The following ZNF225 variants were observed in gnomAD, a reference collection of about 807,000 sequenced individuals.
ZNF225 encodes the protein zinc finger protein 225.
Under a neutral mutation model 12.0 loss-of-function variants are expected in ZNF225, and 6 were observed. The ratio of observed to expected loss-of-function variants is 0.50; its 90% CI spans 0.27 to 0.98. The LOEUF (loss-of-function observed/expected upper bound fraction) is 0.98. Among genes scored for constraint, ZNF225 ranks in the 50% least tolerant of loss-of-function variants. The pLI is 0.11. For synonymous variants in ZNF225, 271 were observed against 283.2 expected (o/e 0.96, Z 0.43); for missense variants, 763 against 848.2 (o/e 0.90, Z 1.25).
chr19:44,129,059 C>T, intron 4 of ZNF225: 1 of 1,231,532 alleles, frequency 8.1e-7, no homozygotes, highest in Non-Finnish European at 1.0e-6. Flanking sequence ...CTTTCAGATT[C>T]CCATCAAAAC....
At chr19:44,114,122 C>CAGAGTGTTTCACAGCCTTCTCCTTACCCA in intron 1 of ZNF225, 2 of 667,128 alleles carry the variant, frequency 3.0e-6, no homozygotes, top group South Asian at 4.3e-5. Context: ...CGACCACGGT[C>CAGAGTGTTTCACAGCCTTCTCCTTACCCA]AGAGTGTTTC....
intron 4 of ZNF225, among the ~76,000 whole-genome samples, chr19:44,122,845 C>A (rs1968081257): frequency 6.6e-6 from 1 of 152,072 alleles, no homozygotes; most frequent in Admixed American, 6.6e-5. Flanking sequence ...GTACATTAAT[C>A]TTGTATCCAG....
intron 4 of ZNF225, chr19:44,129,317 A>C: frequency 2.7e-6 from 1 of 374,552 alleles, no homozygotes; most frequent in Non-Finnish European, 4.7e-6. Context: ...GTTTCCCCAA[A>C]TTATTTTCAT....
At chr19:44,114,457 T>A (rs1156273103) in intron 1 of ZNF225, among the ~76,000 whole-genome samples, 1 of 152,240 alleles carries the variant, frequency 6.6e-6, no homozygotes, top group African/African-American at 2.4e-5. Flanking sequence ...ATTTCACGTT[T>A]AACTTCAAAA....
chr19:44,117,450 G>T (rs926482796), intron 2 of ZNF225, among the ~76,000 whole-genome samples: 5 of 152,180 alleles, frequency 3.3e-5, no homozygotes, highest in Admixed American at 2.6e-4. Context: ...AAAGAAAAAT[G>T]ATAACATTCA....
At position 44,134,479 on chromosome 19, in the gene ZNF225, C is replaced by G. The variant is rs893379139; in HGVS notation, c.*1744C>G. 2.6e-5 allele frequency: 4 copies of G among 152,184 alleles called. No individual in the cohort carries two copies. In the East Asian group the frequency reaches 7.7e-4, roughly 29 times the overall value. The allele number at this position is 152,184 out of a possible 1,614,324, so 9.4% of individuals were successfully genotyped here. Reference sequence around the variant, plus strand: ...CAGTCCTTTCTAAGATTTGCAGTCTCAGGCCTGTTATATTAACTTTTTGTG... The same window carrying G: ...CAGTCCTTTCTAAGATTTGCAGTCTGAGGCCTGTTATATTAACTTTTTGTG... On this transcript the variant is annotated 3_prime_UTR_variant, in exon 5 of 5. Coordinates refer to ENST00000262894, the MANE Select transcript of ZNF225 (RefSeq NM_013362.4).
At chr19:44,127,640 CTTTAT>C (rs1488343254) in intron 4 of ZNF225, among the ~76,000 whole-genome samples, 1 of 151,908 alleles carries the variant, frequency 6.6e-6, no homozygotes, top group Non-Finnish European at 1.5e-5. Flanking sequence ...ATTTTTCTTT[CTTTAT>C]TTTATTTTAT....
At chr19:44,126,473 T>C (rs2147567737) in intron 4 of ZNF225, among the ~76,000 whole-genome samples, 1 of 152,264 alleles carries the variant, frequency 6.6e-6, no homozygotes, top group African/African-American at 2.4e-5. Flanking sequence ...CCGTGAGGTT[T>C]CTTAGCTTTG....
intron 1 of ZNF225, chr19:44,114,229 CT>C (rs747108252): frequency 5.2e-5 from 51 of 987,514 alleles, no homozygotes; most frequent in Non-Finnish European, 7.5e-5. Context: ...TGATCCTTGG[CT>C]TTTTTCTTTG....
chr19:44,130,593 G>C (rs979804776), intron 4 of ZNF225: 2 of 315,500 alleles, frequency 6.3e-6, no homozygotes, highest in African/African-American at 4.4e-5. Context: ...AGCTACTGAG[G>C]AGGCTGAGGC....
At chr19:44,121,720 T>C (rs1415948435) in intron 4 of ZNF225, among the ~76,000 whole-genome samples, 1 of 152,236 alleles carries the variant, frequency 6.6e-6, no homozygotes, top group African/African-American at 2.4e-5. Context: ...GCATTGTGGT[T>C]TTGATTTGCA....
intron 4 of ZNF225, among the ~76,000 whole-genome samples, chr19:44,126,890 G>T (rs1968158601): frequency 6.6e-6 from 1 of 152,180 alleles, no homozygotes; most frequent in Admixed American, 6.5e-5. Flanking sequence ...CTCCCACCAT[G>T]CCCCCACTAA....
At chr19:44,124,088 C>T (rs992131899) in intron 4 of ZNF225, among the ~76,000 whole-genome samples, 1 of 151,680 alleles carries the variant, frequency 6.6e-6, no homozygotes, top group Admixed American at 6.6e-5. Flanking sequence ...TCTCTAGTTC[C>T]TTGAGGTGTG....
intron 1 of ZNF225, chr19:44,114,251 T>C (rs1443939028): frequency 1.2e-6 from 1 of 858,422 alleles, no homozygotes; most frequent in South Asian, 1.4e-5. Flanking sequence ...ACAGAGATGC[T>C]CACCCCAACC....
chr19:44,113,483 C>T lies in ZNF225; in HGVS notation c.-155C>T, dbSNP rs1967873253. ...GTAGTTTGGGTCAGTTCCGCGAGAC[C>T]CTTCTGAATTTCCTGGACCTACGCA... is the stretch of plus-strand genomic sequence containing the variant. On this transcript the variant is annotated 5_prime_UTR_variant, in exon 1 of 5. Transcript: ENST00000262894. 6.6e-6 allele frequency: 1 copy of T among 152,184 alleles called. No individual in the cohort carries two copies. The highest frequency in any genetic ancestry group is 2.1e-4 in the South Asian group (1 of 4,822). The allele number at this position is 152,184 out of a possible 1,614,324, so 9.4% of individuals were successfully genotyped here. A position where few individuals can be genotyped will look rare whatever the true frequency, so the allele number is the denominator to read the frequency against.
intron 2 of ZNF225, among the ~76,000 whole-genome samples, chr19:44,116,282 C>T (rs550996444): frequency 2.6e-5 from 4 of 152,310 alleles, no homozygotes; most frequent in Non-Finnish European, 5.9e-5. Context: ...TGAACACCTC[C>T]AATAATCCTT....
rs946516410 is a variant in ZNF225, at chr19:44,132,328, G to C, written c.1714G>C (p.Glu572Gln). 2.5e-6 allele frequency: 4 copies of C among 1,613,936 alleles called. No individual in the cohort carries two copies. The African/African-American group carries it at 5.3e-5, about 22-fold the overall frequency. Reference sequence around the variant, plus strand: ...CGGAGAGAGACCTTATAATTGTAAAGAATGTGGGAAGAGCTTTAGCCGGGC... The same window carrying C: ...CGGAGAGAGACCTTATAATTGTAAACAATGTGGGAAGAGCTTTAGCCGGGC... ...HTGERPYNCK[E>Q]CGKSFSRASS... is the part of the protein sequence containing the mutation. The change falls in exon 5 of 5, where the codon GAA becomes CAA. Residue 572 changes from glutamate to glutamine, a missense_variant. Coordinates refer to ENST00000262894, the MANE Select transcript of ZNF225 (RefSeq NM_013362.4).
intron 1 of ZNF225, 197 bp from the exon 2 acceptor site, chr19:44,115,563 C>A (rs1326771517): frequency 2.7e-6 from 1 of 367,640 alleles, no homozygotes; most frequent in South Asian, 8.2e-5. Flanking sequence ...AAATAAGATT[C>A]CATTGTATGG....
rs757564050 is a variant in ZNF225, at chr19:44,131,536, A to G, written c.922A>G (p.Met308Val). Residue 308 changes from methionine to valine, a missense_variant, in exon 5 of 5, where the codon ATG becomes GTG. Coordinates refer to ENST00000262894, the MANE Select transcript of ZNF225 (RefSeq NM_013362.4). ...TAGAGCAAATCTTAATAGGCATTCC[A>G]TGGTTCACATGCGAGAGAAACCATT... ...RSRANLNRHS[M>V]VHMREKPFRC... 5.6e-6 allele frequency: 9 copies of G among 1,614,092 alleles called. No homozygotes were observed. Among genetic ancestry groups the G allele is most frequent in the East Asian group, 2.2e-5 (1 of 44,902 alleles).
Sources: gnomAD v4.1 joint callset for allele counts (sites outside exome capture counted in the v4.1 genomes callset) on GRCh38, gnomAD v4.1.1 for gene constraint, MANE v1.5 for transcripts, NCBI Gene and HGNC (gene_info 2026-07-23, HGNC 2026-07-21) for gene names.